The following CALN1 variants were observed in gnomAD, a reference collection of about 807,000 sequenced individuals.
The protein encoded by CALN1 is calneuron 1, also known as calcium-binding protein 8.
In CALN1, 17 loss-of-function variants were observed where a neutral mutation model predicts 30.6. The ratio of observed to expected loss-of-function variants is 0.56; its 90% CI spans 0.38 to 0.83. CALN1 has a LOEUF of 0.83. Ranked by LOEUF, CALN1 falls within the 40% of genes least tolerant of loss-of-function variation. The pLI is 0.00. For missense variants in CALN1, 291 were observed against 354.9 expected, an observed-to-expected ratio of 0.82 and a Z score of 1.45; for synonymous variants, 156 against 131.4, an observed-to-expected ratio of 1.19 and a Z score of -1.28.
chr7:72,078,909 A>G (rs991235339), intron 4 of CALN1, among the ~76,000 whole-genome samples: 1 of 152,188 alleles, frequency 6.6e-6, no homozygotes, highest in Non-Finnish European at 1.5e-5. Context: ...AGCCTGGGTG[A>G]TAGAGTGAGA....
intron 2 of CALN1, among the ~76,000 whole-genome samples, chr7:72,327,115 C>T (rs980569440): frequency 6.6e-6 from 1 of 152,170 alleles, no homozygotes; most frequent in African/African-American, 2.4e-5. Flanking sequence ...GCCCCCAAGC[C>T]CAGTCTGTAG....
chr7:72,328,036 A>G (rs1562891197), intron 2 of CALN1, among the ~76,000 whole-genome samples: 2 of 152,208 alleles, frequency 1.3e-5, no homozygotes, highest in Non-Finnish European at 2.9e-5. Flanking sequence ...TGAAATGTTA[A>G]TGGTATTGAG....
At chr7:72,021,381 C>G (rs555370611) in intron 5 of CALN1, among the ~76,000 whole-genome samples, 2 of 152,268 alleles carry the variant, frequency 1.3e-5, no homozygotes, top group Admixed American at 6.5e-5. Context: ...CAAGGCCCAT[C>G]ATCAGAGTGG....
At chr7:72,263,435 A>G (rs1251862483) in intron 3 of CALN1, among the ~76,000 whole-genome samples, 1 of 152,050 alleles carries the variant, frequency 6.6e-6, no homozygotes, top group Non-Finnish European at 1.5e-5. Context: ...TCACTCTGTC[A>G]TCCAAGCTGG....
chr7:72,128,706 A>AC (rs1808939381), intron 3 of CALN1, among the ~76,000 whole-genome samples: 1 of 152,112 alleles, frequency 6.6e-6, no homozygotes, highest in Non-Finnish European at 1.5e-5. Context: ...CCCCATCTCT[A>AC]CTAAAAATAC....
chr7:72,168,433 A>G (rs1378370275), intron 3 of CALN1, among the ~76,000 whole-genome samples: 4 of 152,212 alleles, frequency 2.6e-5, no homozygotes, highest in South Asian at 2.1e-4. Flanking sequence ...CATCAGTAGT[A>G]AAATTACATT....
intron 2 of CALN1, among the ~76,000 whole-genome samples, chr7:72,396,449 G>C (rs999407504): frequency 1.1e-4 from 16 of 147,772 alleles, no homozygotes; most frequent in African/African-American, 3.5e-4. Context: ...GAAACAAAAA[G>C]TGGAGAAATA....
At chr7:71,902,675 A>G (rs1318592237) in intron 5 of CALN1, among the ~76,000 whole-genome samples, 4 of 152,188 alleles carry the variant, frequency 2.6e-5, no homozygotes, top group African/African-American at 7.2e-5. Context: ...ATACCAAACT[A>G]TATGTATAAG....
At chr7:72,461,334 T>C in the CALN1 span, among the ~76,000 whole-genome samples, 7 of 152,150 alleles carry the variant, frequency 4.6e-5, no homozygotes, top group Non-Finnish European at 8.8e-5. Context: ...TAAATTGTTC[T>C]ACTAAAAAGA....
intron 2 of CALN1, among the ~76,000 whole-genome samples, chr7:72,391,897 C>T (rs977568579): frequency 6.6e-6 from 1 of 152,102 alleles, no homozygotes; most frequent in African/African-American, 2.4e-5. Flanking sequence ...TAATACAGTC[C>T]CCAAATTCAT....
intron 5 of CALN1, among the ~76,000 whole-genome samples, chr7:71,903,467 C>T (rs555380324): frequency 1.8e-4 from 27 of 152,208 alleles, no homozygotes; most frequent in South Asian, 2.1e-4. Flanking sequence ...ATAGTCTCTT[C>T]AATGAATGGT....
chr7:72,460,373 T>C, the CALN1 span, among the ~76,000 whole-genome samples: 1 of 152,184 alleles, frequency 6.6e-6, no homozygotes, highest in Admixed American at 6.6e-5. Context: ...GGCTCATGCC[T>C]GTAATCCCAG....
At chr7:71,813,037 C>T (rs1788056542) in intron 5 of CALN1, among the ~76,000 whole-genome samples, 1 of 151,906 alleles carries the variant, frequency 6.6e-6, no homozygotes, top group African/African-American at 2.4e-5. Context: ...CAACCTCCAC[C>T]TCCCGAGTTC....
chr7:71,986,789 T>C (rs956940778), intron 5 of CALN1, among the ~76,000 whole-genome samples: 1 of 152,214 alleles, frequency 6.6e-6, no homozygotes, highest in Admixed American at 6.5e-5. Flanking sequence ...GTGTTTCCTA[T>C]ATTTGCTCTG....
chr7:71,828,002 C>A (rs372332422), intron 5 of CALN1, among the ~76,000 whole-genome samples: 419 of 152,100 alleles, frequency 2.8e-3, no homozygotes, highest in African/African-American at 9.6e-3. Flanking sequence ...TGTGTTTCCA[C>A]AATGAATATG....
intron 5 of CALN1, among the ~76,000 whole-genome samples, chr7:71,870,764 A>G (rs1293158455): frequency 1.3e-5 from 2 of 152,232 alleles, no homozygotes; most frequent in Non-Finnish European, 2.9e-5. Context: ...ATGGCAAATG[A>G]CGAAGCATAA....
the CALN1 span, among the ~76,000 whole-genome samples, chr7:72,472,618 A>T: frequency 6.6e-6 from 1 of 152,036 alleles, no homozygotes. Flanking sequence ...ACCCGTCTCT[A>T]CTAAAAATAC....
At chr7:71,815,455 C>A (rs1788204250) in intron 5 of CALN1, among the ~76,000 whole-genome samples, 1 of 152,084 alleles carries the variant, frequency 6.6e-6, no homozygotes, top group African/African-American at 2.4e-5. Flanking sequence ...ATAACATTTA[C>A]ACAAAAGAGG....
intron 2 of CALN1, among the ~76,000 whole-genome samples, chr7:72,332,125 T>A (rs1389923437): frequency 6.6e-6 from 1 of 152,132 alleles, no homozygotes; most frequent in Non-Finnish European, 1.5e-5. Flanking sequence ...GATGATTCCA[T>A]GTCTTTGCTA....
Sources: allele counts gnomAD v4.1 joint callset (sites outside exome capture counted in the v4.1 genomes callset), GRCh38; gene constraint gnomAD v4.1.1; transcripts MANE v1.5; gene names NCBI Gene and HGNC (gene_info 2026-07-23, HGNC 2026-07-21).